Variants in DYNC1H1 observed in about 807,000 individuals in gnomAD.
DYNC1H1 encodes dynein cytoplasmic 1 heavy chain 1.
Under a neutral mutation model 527.1 loss-of-function variants are expected in DYNC1H1, and 51 were observed. The ratio of observed to expected loss-of-function variants is 0.10; its 90% CI spans 0.08 to 0.12. The LOEUF (loss-of-function observed/expected upper bound fraction) is 0.12, where lower values mean the gene tolerates loss of function less well. Among genes scored for constraint, DYNC1H1 ranks in the 10% least tolerant of loss-of-function variants. The probability of loss-of-function intolerance (pLI) is 1.00; values close to 1 mark genes in which losing one functional copy is unlikely to be tolerated. For missense variants in DYNC1H1, 2,771 were observed against 5,971.8 expected, an observed-to-expected ratio of 0.46 and a Z score of 17.66; for synonymous variants, 2,189 against 2,278.8, an observed-to-expected ratio of 0.96 and a Z score of 1.12.
In DYNC1H1 at chr14:102,001,394, C is replaced by T. The variant is rs561746411; in HGVS notation, c.4395+40C>T. The T allele has an allele frequency of 1.4e-5, 23 of 1,613,490 alleles. No homozygotes were observed. Among genetic ancestry groups the T allele is most frequent in the South Asian group, 5.5e-5 (5 of 90,992 alleles). On this transcript the variant is annotated intron_variant, in intron 20 of 77. Coordinates refer to ENST00000360184, the MANE Select transcript of DYNC1H1 (RefSeq NM_001376.5). This position sits in a 1 kb window ranked among gnomAD's most constrained non-coding sequence, Gnocchi z 5.0. ...TGAACGGCTGCTTTACGTTGTGTTT[C>T]GGGCTGTTACATAGATCTGAGCTAT...
chr14:101,972,641 C>T (rs1006386391), intron 1 of DYNC1H1, among the ~76,000 whole-genome samples: 3 of 152,132 alleles, frequency 2.0e-5, no homozygotes, highest in African/African-American at 4.8e-5. Context: ...AAGTGTAGGC[C>T]ACATGCTCAT....
chr14:101,978,124 G>A (rs1274520141), intron 2 of DYNC1H1, among the ~76,000 whole-genome samples: 8 of 152,196 alleles, frequency 5.3e-5, no homozygotes, highest in South Asian at 2.1e-4. Flanking sequence ...GTGCGATCTC[G>A]GCTCACTGCA....
rs1567017825 is a variant in DYNC1H1 at position 102,029,677 on chromosome 14, G to A, written c.9607G>A (p.Val3203Met). 1 of 1,614,212 alleles carries A rather than the reference G, an allele frequency of 6.2e-7. No individual in the cohort carries two copies. The highest frequency in any genetic ancestry group is 8.5e-7 in the Non-Finnish European group (1 of 1,180,042). The change falls in exon 49 of 78, where the codon GTG becomes ATG. Residue 3203 changes from valine to methionine, a missense_variant. By Grantham distance (21) the Val-to-Met change is conservative (BLOSUM62 1). This residue lies in a region of DYNC1H1 where 30 missense variants were observed against 117.8 expected (regional missense o/e 0.25). Coordinates refer to ENST00000360184, the MANE Select transcript of DYNC1H1 (RefSeq NM_001376.5). The surrounding 1 kb of genome is among the most constrained non-coding windows in gnomAD (Gnocchi z 5.3). ...GGAGGAGCAGCAGATGCACTTGAAC[G>A]TGGGGCTCAGGAAGATCAAAGAGAC... ...ELEEQQMHLN[V>M]GLRKIKETVD...
intron 13 of DYNC1H1, 35 bp from the exon 14 acceptor site, chr14:101,994,951 A>T (rs766069203): frequency 2.5e-6 from 4 of 1,613,154 alleles, no homozygotes; most frequent in Non-Finnish European, 3.4e-6. Context: ...AGCAGGAAAG[A>T]GCTGATGATG....
At chr14:102,007,974 T>C (rs1452735142) in intron 28 of DYNC1H1, among the ~76,000 whole-genome samples, 1 of 152,192 alleles carries the variant, frequency 6.6e-6, no homozygotes, top group African/African-American at 2.4e-5. Flanking sequence ...CCTCCTCCTC[T>C]TCTTAGAAGG....
Position 102,053,092 on chromosome 14 carries a change from C to A in DYNC1H1, c.*2529C>A, listed in dbSNP as rs1195066195. On this transcript the variant is annotated 3_prime_UTR_variant, in exon 78 of 78. Coordinates refer to ENST00000360184, the MANE Select transcript of DYNC1H1 (RefSeq NM_001376.5). ...CGCATGCGCTGACTCTTCCTCCCGT[C>A]ACTGATGCTGGTTTTTGCAGGCTCT... 1 of 152,086 alleles carries A rather than the reference C, an allele frequency of 6.6e-6. No homozygotes were observed. The highest frequency in any genetic ancestry group is 1.5e-5 in the Non-Finnish European group (1 of 68,066). The allele number at this position is 152,086 out of a possible 1,614,324, so 9.4% of individuals were successfully genotyped here.
chr14:101,978,428 C>T (rs1250865394), intron 2 of DYNC1H1, among the ~76,000 whole-genome samples: 1 of 152,180 alleles, frequency 6.6e-6, no homozygotes, highest in Non-Finnish European at 1.5e-5. Context: ...TCACCTTAGC[C>T]TCCCAAAGTA....
At chr14:101,981,753 C>A (rs1431423366) in intron 5 of DYNC1H1, among the ~76,000 whole-genome samples, 1 of 152,116 alleles carries the variant, frequency 6.6e-6, no homozygotes, top group Admixed American at 6.5e-5. Context: ...ACCTCTGAAA[C>A]TTTTGTTTTT....
chr14:101,990,333 A>G (rs1221260149), intron 10 of DYNC1H1, among the ~76,000 whole-genome samples: 1 of 152,174 alleles, frequency 6.6e-6, no homozygotes, highest in Non-Finnish European at 1.5e-5. Flanking sequence ...ATATTGAGAC[A>G]TCGTCATATA....
chr14:102,048,408 T>C (rs1355149485), intron 73 of DYNC1H1, 108 bp from the exon 74 acceptor site: 7 of 1,456,882 alleles, frequency 4.8e-6, no homozygotes, highest in African/African-American at 2.8e-5. Context: ...CCCTGGACAG[T>C]TCGGAAGCTC....
chr14:102,047,784 C>T (rs913610259), intron 72 of DYNC1H1, 33 bp from the exon 73 acceptor site: 6 of 1,611,894 alleles, frequency 3.7e-6, no homozygotes, highest in Admixed American at 1.7e-5. Context: ...TCCCCTCCCT[C>T]CTTCCTGCTG....
rs961699482 is a variant in DYNC1H1 at position 101,985,153 on chromosome 14, C to A, written c.1462-534C>A. 8.6e-5 allele frequency among the ~76,000 whole-genome samples: 13 copies of A among 152,014 alleles called. No individual in the cohort carries two copies. The highest frequency in any genetic ancestry group is 3.1e-4 in the African/African-American group (13 of 41,392). On this transcript the variant is annotated intron_variant, in intron 7 of 77. Coordinates refer to ENST00000360184, the MANE Select transcript of DYNC1H1 (RefSeq NM_001376.5). The surrounding 1 kb of genome is among the most constrained non-coding windows in gnomAD (Gnocchi z 5.9). ...AGCCAGACTTCCTGGGTTTTAAATCCTAATTCCATCGTTTACTAGCTCTGT... is the reference window on the plus strand; with the variant it reads ...AGCCAGACTTCCTGGGTTTTAAATCATAATTCCATCGTTTACTAGCTCTGT...
intron 11 of DYNC1H1, among the ~76,000 whole-genome samples, chr14:101,993,077 C>T (rs989488510): frequency 2.6e-5 from 4 of 151,980 alleles, no homozygotes; most frequent in African/African-American, 9.7e-5. Context: ...TTGGCTATCT[C>T]GGAGTCGCGT....
rs1450600738 is a variant in DYNC1H1, at chr14:102,022,899, T to TTCAG, written c.8637+20_8637+23dup. On this transcript the variant is annotated intron_variant, in intron 43 of 77. Coordinates refer to ENST00000360184, the MANE Select transcript of DYNC1H1 (RefSeq NM_001376.5). ...GTCAAAGGTAGCAAACTCGCATCAT[T>TTCAG]TCAGACATACTTCTTTTTCTGCCAT... 1.9e-6 allele frequency: 3 copies of TTCAG among 1,614,026 alleles called. No individual in the cohort carries two copies. In the African/African-American group the frequency reaches 4.0e-5, roughly 22 times the overall value.
intron 28 of DYNC1H1, 26 bp from the exon 29 acceptor site, chr14:102,008,152 A>T (rs752500952): frequency 6.2e-7 from 1 of 1,612,974 alleles, no homozygotes; most frequent in South Asian, 1.1e-5. Context: ...AGGTGGTTTT[A>T]GCGCCTTTCT....
Position 102,017,028 on chromosome 14 carries a change from C to A in DYNC1H1, c.7848+29C>A, listed in dbSNP as rs764119685. The A allele has an allele frequency of 6.2e-7, 1 of 1,614,192 alleles. No homozygotes were observed. The highest frequency in any genetic ancestry group is 8.5e-7 in the Non-Finnish European group (1 of 1,180,008). On this transcript the variant is annotated intron_variant, in intron 38 of 77. Transcript: ENST00000360184. This position sits in a 1 kb window ranked among gnomAD's most constrained non-coding sequence, Gnocchi z 4.6. The stretch of plus-strand genomic sequence containing the variant: ...AAGAGGCCAGGAGGTGGGCAGCAGA[C>A]CTTTTGGTGCTGAGCATGGGGTTGG...
At chr14:101,968,225 T>G (rs1380877791) in intron 1 of DYNC1H1, among the ~76,000 whole-genome samples, 1 of 152,174 alleles carries the variant, frequency 6.6e-6, no homozygotes, top group Non-Finnish European at 1.5e-5. Context: ...GCTGCTAGGT[T>G]GGTTGGTCTG....
intron 10 of DYNC1H1, 69 bp from the exon 11 acceptor site, chr14:101,991,458 T>C: frequency 1.3e-6 from 2 of 1,595,806 alleles, no homozygotes. Context: ...AGAGTGAAAC[T>C]CTGTCTTAAA....
chr14:102,001,600 C>G lies in DYNC1H1; in HGVS notation c.4461C>G (p.Ile1487Met), dbSNP rs745509545. ...LVNYQNKCRL[I>M]RGWDDLFNKV... ...ATTATCAGAACAAGTGCCGCTTGAT[C>G]CGTGGCTGGGATGACCTCTTCAACA... The change falls in exon 21 of 78, where the codon ATC (isoleucine) becomes ATG (methionine). Residue 1487 changes from isoleucine (I) to methionine (M), a missense_variant. Physicochemically the swap from Ile to Met is conservative, Grantham distance 10 (BLOSUM62 1). Around this residue, in one of 32 missense-constraint regions of DYNC1H1, gnomAD observed 223 missense variants for 462.5 expected, o/e 0.48. Transcript: ENST00000360184. This position sits in a 1 kb window ranked among gnomAD's most constrained non-coding sequence, Gnocchi z 5.0. 3 of 1,614,130 alleles carry G rather than the reference C, an allele frequency of 1.9e-6. No individual in the cohort carries two copies. In the African/African-American group the frequency reaches 4.0e-5, roughly 22 times the overall value.
Sources: gnomAD v4.1 joint callset for allele counts (sites outside exome capture counted in the v4.1 genomes callset) on GRCh38, gnomAD v4.1.1 for gene constraint, gnomAD v4.1.1 regional missense constraint, Gnocchi (gnomAD v3.1) non-coding constraint, MANE v1.5 for transcripts, NCBI Gene and HGNC (gene_info 2026-07-23, HGNC 2026-07-21) for gene names.